The following MAMDC4 variants were observed in gnomAD, a reference collection of about 807,000 sequenced individuals.
MAMDC4 encodes the protein MAM domain containing 4.
Under a neutral mutation model 153.3 loss-of-function variants are expected in MAMDC4, and 168 were observed. The ratio of observed to expected loss-of-function variants is 1.10; its 90% CI spans 0.97 to 1.25. MAMDC4 has a LOEUF of 1.25. MAMDC4 is among the 50% of genes most tolerant of loss of function. The pLI, the probability that MAMDC4 is intolerant of heterozygous loss-of-function variation, is 0.00. For missense variants in MAMDC4, 1,701 were observed against 1,542.8 expected, an observed-to-expected ratio of 1.10 and a Z score of -1.72; for synonymous variants, 744 against 651.5, an observed-to-expected ratio of 1.14 and a Z score of -2.16.
intron 1 of MAMDC4, among the ~76,000 whole-genome samples, chr9:136,852,803 C>T (rs574872181): frequency 5.9e-5 from 9 of 152,294 alleles, no homozygotes; most frequent in Admixed American, 6.5e-5. Flanking sequence ...CATTGGGGGT[C>T]GCCCTCCCAG....
At position 136,857,554 on chromosome 9, in the gene MAMDC4, C is replaced by A; in HGVS notation, c.2294C>A (p.Pro765His). 1.2e-6 allele frequency: 2 copies of A among 1,612,114 alleles called. No homozygotes were observed. The change falls in exon 18 of 27, where the codon CCC becomes CAC. Residue 765 changes from proline (P) to histidine (H), a missense_variant. Pro to His is a moderately conservative substitution (Grantham distance 77). Transcript: ENST00000317446. ...ANASGHAAWGPPTDHTTETAQ... is the reference protein window; with the variant it reads ...ANASGHAAWGHPTDHTTETAQ... ...GCCTCGGGCCATGCTGCCTGGGGCC[C>A]CCCAACAGACCATACCACTGAGACA...
chr9:136,856,248 G>A (rs568578307), intron 14 of MAMDC4, 99 bp downstream of exon 14: 99 of 1,574,842 alleles, frequency 6.3e-5, no homozygotes, highest in African/African-American at 2.6e-4. Context: ...CCCCCGCCCC[G>A]CTGGCCAGGC....
Position 136,855,549 on chromosome 9 carries a change from G to A in MAMDC4, c.1401G>A (p.Leu467=), listed in dbSNP as rs1047971131. 18 of 1,591,652 alleles carry A rather than the reference G, an allele frequency of 1.1e-5. No individual in the cohort carries two copies. Among genetic ancestry groups the A allele is most frequent in the African/African-American group, 2.7e-5 (2 of 74,566 alleles). The stretch of plus-strand genomic sequence containing the variant: ...AGGGGCATCTTGCCTGCGGGGACCT[G>A]TGTGTGCCCCCGGAACAACTGTGTG... ...CKQGHLACGD[L]CVPPEQLCDF... is the part of the protein sequence containing the mutation. The change falls in exon 12 of 27, where the codon CTG becomes CTA. Residue 467 remains leucine, a synonymous_variant. Coordinates refer to ENST00000317446, the MANE Select transcript of MAMDC4 (RefSeq NM_206920.3).
chr9:136,856,715 T>G lies in MAMDC4; in HGVS notation c.1726T>G (p.Ser576Ala). 6.2e-7 allele frequency: 1 copy of G among 1,612,664 alleles called. No homozygotes were observed. Among genetic ancestry groups the G allele is most frequent in the Non-Finnish European group, 8.5e-7 (1 of 1,179,846 alleles). The change falls in exon 15 of 27, where the codon TCC becomes GCC. Residue 576 changes from serine (S) to alanine (A), a missense_variant. Physicochemically the swap from Ser to Ala is moderately conservative, Grantham distance 99 (BLOSUM62 1). Coordinates refer to ENST00000317446, the MANE Select transcript of MAMDC4 (RefSeq NM_206920.3). ...YYLQSQPREVSCNFERDTCSW... is the reference protein window; with the variant it reads ...YYLQSQPREVACNFERDTCSW... ...CCACCTGGCCCCACCCCCAGAGGTC[T>G]CCTGTAACTTTGAGCGGGACACATG...
chr9:136,860,580 G>A lies in MAMDC4; in HGVS notation c.3391G>A (p.Ala1131Thr). Reference sequence around the variant, plus strand: ...CTCCTAGGATGGTGTCACCCTCCCGGCATCTGTCACCAGTGATCCGTAGAC... The same window carrying A: ...CTCCTAGGATGGTGTCACCCTCCCGACATCTGTCACCAGTGATCCGTAGAC... ...LFNADGVTLP[A>T]SVTSDP Residue 1131 changes from alanine to threonine, a missense_variant, in exon 27 of 27, where the codon GCA (alanine) becomes ACA (threonine). Physicochemically the swap from Ala to Thr is moderately conservative, Grantham distance 58 (BLOSUM62 0). Coordinates refer to ENST00000317446, the MANE Select transcript of MAMDC4 (RefSeq NM_206920.3). The A allele has an allele frequency of 6.2e-7, 1 of 1,612,874 alleles. No individual in the cohort carries two copies.
chr9:136,852,601 G>A (rs935628393), intron 1 of MAMDC4, 139 bp downstream of exon 1: 13 of 1,089,042 alleles, frequency 1.2e-5, no homozygotes, highest in East Asian at 7.4e-5. Context: ...TACCTTGGCC[G>A]GCCTGCAAGG....
At position 136,860,063 on chromosome 9, in the gene MAMDC4, C is replaced by A. The variant is rs774423891; in HGVS notation, c.3371C>A (p.Ala1124Glu). 5.8e-6 allele frequency: 9 copies of A among 1,563,896 alleles called. No individual in the cohort carries two copies. Among genetic ancestry groups the A allele is most frequent in the South Asian group, 2.4e-5 (2 of 85,014 alleles). ...GGCTTTGACAACATCCTTTTCAATG[C>A]GGTAGGAGCCCCTGGGGATGGGTGG... Reference protein sequence around the residue: ...APGFDNILFNADGVTLPASVT... With the variant: ...APGFDNILFNEDGVTLPASVT... Residue 1124 changes from alanine (A) to glutamate (E), a missense_variant and splice_region_variant, in exon 26 of 27, where the codon GCG becomes GAG. Coordinates refer to ENST00000317446, the MANE Select transcript of MAMDC4 (RefSeq NM_206920.3).
In MAMDC4 at chr9:136,860,136, G is replaced by A. The variant is rs561064978; in HGVS notation, c.3372+72G>A. The A allele has an allele frequency of 1.1e-4, 154 of 1,454,614 alleles. 1 individual carries two copies. The Admixed American group carries it at 1.3e-3, about 12-fold the overall frequency. The allele number at this position is 1,454,614 out of a possible 1,614,324, so 90.1% of individuals were successfully genotyped here. On this transcript the variant is annotated intron_variant, in intron 26 of 26. Transcript: ENST00000317446. ...GTGACGCTGGAGGGCGGGCAGTGGC[G>A]GGACACAACCCCCCGGGGAGGAGCC...
rs780952402 is a variant in MAMDC4, at chr9:136,856,756, C to A, written c.1767C>A (p.Gly589=). The A allele has an allele frequency of 6.2e-7, 1 of 1,612,390 alleles. No homozygotes were observed. Among genetic ancestry groups the A allele is most frequent in the Non-Finnish European group, 8.5e-7 (1 of 1,179,752 alleles). Residue 589 remains glycine, a synonymous_variant, in exon 15 of 27, where the codon GGC becomes GGA. Transcript: ENST00000317446. ...FERDTCSWYP[G]HLSDTHWRWV... is the part of the protein sequence containing the mutation. ...GGGACACATGCAGCTGGTACCCAGG[C>A]CACCTCTCAGACACACACTGGCGCT...
At position 136,857,966 on chromosome 9, in the gene MAMDC4, C is replaced by T; in HGVS notation, c.2465-13C>T. 1 of 1,497,914 alleles carries T rather than the reference C, an allele frequency of 6.7e-7. No homozygotes were observed. Among genetic ancestry groups the T allele is most frequent in the Non-Finnish European group, 8.9e-7 (1 of 1,127,694 alleles). The allele number at this position is 1,497,914 out of a possible 1,614,324, so 92.8% of individuals were successfully genotyped here. On this transcript the variant is annotated splice_polypyrimidine_tract_variant and intron_variant, in intron 19 of 26. Coordinates refer to ENST00000317446, the MANE Select transcript of MAMDC4 (RefSeq NM_206920.3). ...CTCCCCACACTGCTGACCTGGGCCG[C>T]CCCTGCTGGCAGGCACCCTGCGGGT...
At chr9:136,859,615 G>A (rs1319792413) in intron 25 of MAMDC4, 11 of 591,166 alleles carry the variant, frequency 1.9e-5, no homozygotes, top group South Asian at 6.2e-5. Flanking sequence ...TGGAGGAACC[G>A]CCAGCCGGGT....
At position 136,859,069 on chromosome 9, in the gene MAMDC4, C is replaced by T. The variant is rs368792000; in HGVS notation, c.3021C>T (p.Gly1007=). The T allele has an allele frequency of 2.8e-3, 4,337 of 1,554,734 alleles. 9 individuals carry two copies. Among genetic ancestry groups the T allele is most frequent in the Non-Finnish European group, 3.5e-3 (3,994 of 1,148,584 alleles). Residue 1007 remains glycine, a synonymous_variant, in exon 24 of 27, where the codon GGC becomes GGT. Transcript: ENST00000317446. The part of the protein sequence containing the change: ...AQGQLAVWGA[G]GHRRHQWLEA... ...GCCAGCTGGCTGTGTGGGGCGCAGGCGGGCATCGGCGGCACCAGTGGCTGG... is the reference window on the plus strand; with the variant it reads ...GCCAGCTGGCTGTGTGGGGCGCAGGTGGGCATCGGCGGCACCAGTGGCTGG...
rs368299309 is a variant in MAMDC4, at chr9:136,853,965, T to A, written c.586-27T>A. ...TTGAGGAGGGGTCTGGGCCCTGACT[T>A]AGGTCCTAAGAGCCTGTTCTCTTCA... On this transcript the variant is annotated intron_variant, in intron 5 of 26. Transcript: ENST00000317446. 12 of 1,612,760 alleles carry A rather than the reference T, an allele frequency of 7.4e-6. No individual in the cohort carries two copies. In the South Asian group the frequency reaches 1.3e-4, roughly 18 times the overall value.
In MAMDC4 at chr9:136,858,992, G is replaced by A. The variant is rs777503983; in HGVS notation, c.2957-13G>A. The A allele has an allele frequency of 1.8e-5, 28 of 1,514,994 alleles. No homozygotes were observed. The South Asian group carries it at 2.9e-4, about 16-fold the overall frequency. The allele number at this position is 1,514,994 out of a possible 1,614,324, so 93.8% of individuals were successfully genotyped here. ...AGGACCCCAGGCCTGACACGCCCTG[G>A]CCCTGCTCTCAGACAAGGGGGAGCT... is the stretch of plus-strand genomic sequence containing the variant. On this transcript the variant is annotated splice_polypyrimidine_tract_variant and intron_variant, in intron 23 of 26. Coordinates refer to ENST00000317446, the MANE Select transcript of MAMDC4 (RefSeq NM_206920.3).
intron 1 of MAMDC4, among the ~76,000 whole-genome samples, chr9:136,852,800 G>A (rs1443259738): frequency 6.6e-6 from 1 of 152,194 alleles, no homozygotes; most frequent in African/African-American, 2.4e-5. Context: ...TCCCATTGGG[G>A]GTCGCCCTCC....
In MAMDC4 at chr9:136,857,716, C is replaced by T. The variant is rs1564388171; in HGVS notation, c.2384C>T (p.Ser795Phe). 4 of 1,612,708 alleles carry T rather than the reference C, an allele frequency of 2.5e-6. No individual in the cohort carries two copies. Among genetic ancestry groups the T allele is most frequent in the Non-Finnish European group, 3.4e-6 (4 of 1,179,874 alleles). Residue 795 changes from serine (S) to phenylalanine (F), a missense_variant, in exon 19 of 27, where the codon TCC becomes TTC. Physicochemically the swap from Ser to Phe is radical, Grantham distance 155. Transcript: ENST00000317446. ...PDALPRGQTA[S>F]LTSKEHRPLA... Reference sequence around the variant, plus strand: ...GCACTACCCCGGGGCCAGACGGCCTCCCTGACCTCCAAGGAGCACAGGCCC... The same window carrying T: ...GCACTACCCCGGGGCCAGACGGCCTTCCTGACCTCCAAGGAGCACAGGCCC...
In MAMDC4 at chr9:136,858,752, G is replaced by A; in HGVS notation, c.2855G>A (p.Gly952Asp). The A allele has an allele frequency of 6.2e-7, 1 of 1,611,302 alleles. No individual in the cohort carries two copies. Among genetic ancestry groups the A allele is most frequent in the East Asian group, 2.2e-5 (1 of 44,862 alleles). ...GCCTTCTTTGAAACTGGCGTGCTGGGCCCCGGGGGCCGGGCCGCCTGGCTG... is the reference window on the plus strand; with the variant it reads ...GCCTTCTTTGAAACTGGCGTGCTGGACCCCGGGGGCCGGGCCGCCTGGCTG... ...HFAFFETGVL[G>D]PGGRAAWLRS... The change falls in exon 23 of 27, where the codon GGC (glycine) becomes GAC (aspartate). Residue 952 changes from glycine to aspartate, a missense_variant. Transcript: ENST00000317446.
chr9:136,855,035 G>C lies in MAMDC4; in HGVS notation c.1122G>C (p.Leu374=), dbSNP rs768235248. 1 of 1,607,800 alleles carries C rather than the reference G, an allele frequency of 6.2e-7. No homozygotes were observed. Among genetic ancestry groups the C allele is most frequent in the Admixed American group, 1.7e-5 (1 of 59,270 alleles). Residue 374 remains leucine, a synonymous_variant, in exon 10 of 27, where the codon CTG becomes CTC. Coordinates refer to ENST00000317446, the MANE Select transcript of MAMDC4 (RefSeq NM_206920.3). The part of the protein sequence containing the change: ...GPGAPRAPVL[L]RRRRGELGTA... ...GCGCCCCCCGGGCCCCCGTCCTGCT[G>C]CGGAGGCGCCGAGGGGAGCTGGGGA...
Position 136,855,628 on chromosome 9 carries a change from G to C in MAMDC4, c.1471+9G>C. 8.3e-6 allele frequency: 13 copies of C among 1,571,674 alleles called. No individual in the cohort carries two copies. Among genetic ancestry groups the C allele is most frequent in the Non-Finnish European group, 1.1e-5 (13 of 1,157,468 alleles). On this transcript the variant is annotated intron_variant, in intron 12 of 26. Transcript: ENST00000317446. ...GGACGAGCAGGCCTGTGGTAAAGGG[G>C]CTCAACCTCCTGCAGACCTCCTGCT...
Sources: gnomAD v4.1 joint callset for allele counts (sites outside exome capture counted in the v4.1 genomes callset) on GRCh38, gnomAD v4.1.1 for gene constraint, MANE v1.5 for transcripts, NCBI Gene and HGNC (gene_info 2026-07-23, HGNC 2026-07-21) for gene names.